GALNT18: variants seen among roughly 807,000 people sequenced by gnomAD.
The protein encoded by GALNT18 is GalNAc-transferase 18.
In GALNT18, 44 loss-of-function variants were observed where a neutral mutation model predicts 69.5. The observed-to-expected ratio is 0.63, with a 90% CI of 0.50 to 0.81. The LOEUF (loss-of-function observed/expected upper bound fraction) is 0.81. GALNT18 is among the 40% of genes least tolerant of loss of function. The pLI is 0.00. For missense variants in GALNT18, 715 were observed against 810.0 expected (o/e 0.88, Z 1.42); for synonymous variants, 364 against 318.2 (o/e 1.14, Z -1.53).
intron 7 of GALNT18, among the ~76,000 whole-genome samples, chr11:11,336,651 T>G (rs1473821018): frequency 6.6e-6 from 1 of 152,182 alleles, no homozygotes; most frequent in Non-Finnish European, 1.5e-5. Context: ...GATTGGGGCA[T>G]AGCTATCTCA....
chr11:11,496,092 A>G lies in GALNT18; in HGVS notation c.236-47156T>C, dbSNP rs1332734928. On this transcript the variant is annotated intron_variant, in intron 1 of 10. Transcript: ENST00000227756. The surrounding 1 kb of genome is among the most constrained non-coding windows in gnomAD (Gnocchi z 4.0). ...TAACTTGTCTAAGGACACACAGCAAAGAATAAGAGCCAGGAGCTTCTTGTG... is the reference window on the plus strand; with the variant it reads ...TAACTTGTCTAAGGACACACAGCAAGGAATAAGAGCCAGGAGCTTCTTGTG... 6.6e-6 allele frequency among the ~76,000 whole-genome samples: 1 copy of G among 152,262 alleles called. No homozygotes were observed. The highest frequency in any genetic ancestry group is 1.5e-5 in the Non-Finnish European group (1 of 68,048).
intron 1 of GALNT18, among the ~76,000 whole-genome samples, chr11:11,594,063 G>A (rs887600456): frequency 1.3e-5 from 2 of 152,218 alleles, no homozygotes; most frequent in African/African-American, 4.8e-5. Flanking sequence ...TTCACTCTGT[G>A]CCAGACTCTG....
intron 1 of GALNT18, among the ~76,000 whole-genome samples, chr11:11,526,913 C>G (rs1857538555): frequency 2.0e-5 from 3 of 152,212 alleles, no homozygotes; most frequent in Admixed American, 2.0e-4. Context: ...ACGCCACACT[C>G]TAAGATGGAC....
At chr11:11,458,563 C>T (rs1419404664) in intron 1 of GALNT18, among the ~76,000 whole-genome samples, 1 of 152,206 alleles carries the variant, frequency 6.6e-6, no homozygotes, top group Non-Finnish European at 1.5e-5. Flanking sequence ...CACCATTATT[C>T]CCATTAAAAA....
chr11:11,418,165 A>T (rs1369414211), intron 3 of GALNT18, among the ~76,000 whole-genome samples: 1 of 152,176 alleles, frequency 6.6e-6, no homozygotes, highest in Admixed American at 6.5e-5. Flanking sequence ...GTTTCCCTTC[A>T]GTCCTCAGAG....
At chr11:11,367,144 G>A (rs17436610) in intron 6 of GALNT18, among the ~76,000 whole-genome samples, 1 of 152,136 alleles carries the variant, frequency 6.6e-6, no homozygotes, top group Non-Finnish European at 1.5e-5. Flanking sequence ...CACTCACAGC[G>A]AGGGATTCTA....
At position 11,621,293 on chromosome 11, in the gene GALNT18, G is replaced by T. The variant is rs1860185247; in HGVS notation, c.235+66C>A. 7.3e-6 allele frequency: 10 copies of T among 1,366,412 alleles called. No homozygotes were observed. Among genetic ancestry groups the T allele is most frequent in the Middle Eastern group, 2.1e-4 (1 of 4,856 alleles). 84.6% of individuals were successfully genotyped at this position (1,366,412 alleles called of 1,614,324 possible). ...TGAGTTGATGCGCACCAGCCCCAGC[G>T]CACCCCGCGCCGCGCGGGGCACTCC... On this transcript the variant is annotated intron_variant, in intron 1 of 10. Coordinates refer to ENST00000227756, the MANE Select transcript of GALNT18 (RefSeq NM_198516.3). This position sits in a 1 kb window ranked among gnomAD's most constrained non-coding sequence, Gnocchi z 9.3.
chr11:11,525,010 A>C (rs564428609), intron 1 of GALNT18, among the ~76,000 whole-genome samples: 66 of 152,302 alleles, frequency 4.3e-4, no homozygotes, highest in African/African-American at 1.4e-3. Context: ...TGGATCTTGA[A>C]GACTAAGTCC....
chr11:11,332,843 C>T lies in GALNT18; in HGVS notation c.1279-12G>A, dbSNP rs145963610. 422 of 1,611,880 alleles carry T rather than the reference C, an allele frequency of 2.6e-4. 3 individuals are homozygous for T. In the Middle Eastern group the frequency reaches 3.7e-3, roughly 14 times the overall value. On this transcript the variant is annotated splice_polypyrimidine_tract_variant and intron_variant, in intron 7 of 10. Coordinates refer to ENST00000227756, the MANE Select transcript of GALNT18 (RefSeq NM_198516.3). The surrounding 1 kb of genome is among the most constrained non-coding windows in gnomAD (Gnocchi z 4.3). ...TCAATTCCTGAGTCCTGCACAGGGA[C>T]GCAGAAGCAGAGATGAAGCCACTCC...
At chr11:11,351,409 C>T (rs1190156422) in intron 6 of GALNT18, among the ~76,000 whole-genome samples, 2 of 152,224 alleles carry the variant, frequency 1.3e-5, no homozygotes, top group Non-Finnish European at 2.9e-5. Context: ...ACTCCACTTA[C>T]GCAAGAGGGA....
chr11:11,371,547 C>T (rs1850904665), intron 6 of GALNT18, among the ~76,000 whole-genome samples: 1 of 147,636 alleles, frequency 6.8e-6, no homozygotes, highest in South Asian at 2.1e-4. Context: ...CACCAGTAGG[C>T]ACAGGGTTCT....
At chr11:11,291,868 C>G (rs1357846297) in intron 10 of GALNT18, among the ~76,000 whole-genome samples, 1 of 152,204 alleles carries the variant, frequency 6.6e-6, no homozygotes, top group Non-Finnish European at 1.5e-5. Flanking sequence ...TGCTCTAATT[C>G]TGCACACCCA....
In GALNT18 at chr11:11,483,742, C is replaced by T. The variant is rs74723235; in HGVS notation, c.236-34806G>A. ...AGGCTCTAAAGGCAGCCCTTGGTGA[C>T]GCTAATGAGCTGTGGGAGGGCAGGT... On this transcript the variant is annotated intron_variant, in intron 1 of 10. Coordinates refer to ENST00000227756, the MANE Select transcript of GALNT18 (RefSeq NM_198516.3). Among the ~76,000 whole-genome samples, 10 of 152,166 alleles carry T rather than the reference C, an allele frequency of 6.6e-5. No homozygotes were observed. In the East Asian group the frequency reaches 1.4e-3, roughly 21 times the overall value.
chr11:11,443,566 G>A (rs1004840993), intron 2 of GALNT18, among the ~76,000 whole-genome samples: 5 of 152,064 alleles, frequency 3.3e-5, no homozygotes, highest in African/African-American at 4.8e-5. Flanking sequence ...AGAGGCAGGA[G>A]GAAGCACACA....
chr11:11,288,012 G>T (rs141935709), intron 10 of GALNT18, among the ~76,000 whole-genome samples: 163 of 152,188 alleles, frequency 1.1e-3, no homozygotes, highest in Non-Finnish European at 2.0e-3. Flanking sequence ...TCTCTTCCCG[G>T]GACAATGAAA....
At chr11:11,532,846 C>T (rs1248588494) in intron 1 of GALNT18, among the ~76,000 whole-genome samples, 1 of 152,214 alleles carries the variant, frequency 6.6e-6, no homozygotes, top group Non-Finnish European at 1.5e-5. Flanking sequence ...TTGGCAAGGC[C>T]AGGGCAAGCA....
intron 1 of GALNT18, among the ~76,000 whole-genome samples, chr11:11,515,852 G>A (rs1364252096): frequency 1.3e-5 from 2 of 152,232 alleles, no homozygotes; most frequent in Non-Finnish European, 2.9e-5. Flanking sequence ...AGGCCAGGTA[G>A]CACGGCCCCA....
intron 3 of GALNT18, among the ~76,000 whole-genome samples, chr11:11,390,862 A>T (rs1199480600): frequency 6.6e-6 from 1 of 152,144 alleles, no homozygotes; most frequent in African/African-American, 2.4e-5. Flanking sequence ...TTTAATCCCC[A>T]GCTCTGCCAT....
chr11:11,511,139 G>T lies in GALNT18; in HGVS notation c.236-62203C>A, dbSNP rs1857156343. Among the ~76,000 whole-genome samples the T allele has an allele frequency of 6.6e-6, 1 of 152,172 alleles. No homozygotes were observed. The highest frequency in any genetic ancestry group is 1.5e-5 in the Non-Finnish European group (1 of 68,020). On this transcript the variant is annotated intron_variant, in intron 1 of 10. Coordinates refer to ENST00000227756, the MANE Select transcript of GALNT18 (RefSeq NM_198516.3). The surrounding 1 kb of genome is among the most constrained non-coding windows in gnomAD (Gnocchi z 4.9). ...TCTCTCCCGGGGGTTGTAAAAACAGGCTGCCCCTCCTTTTGGACTGAATGA... is the reference window on the plus strand; with the variant it reads ...TCTCTCCCGGGGGTTGTAAAAACAGTCTGCCCCTCCTTTTGGACTGAATGA...
Sources: allele counts gnomAD v4.1 joint callset (sites outside exome capture counted in the v4.1 genomes callset), GRCh38; gene constraint gnomAD v4.1.1; non-coding constraint Gnocchi (gnomAD v3.1); transcripts MANE v1.5; gene names NCBI Gene and HGNC (gene_info 2026-07-23, HGNC 2026-07-21).